ZSCAN32: variants seen among roughly 807,000 people sequenced by gnomAD.
ZSCAN32 encodes the protein zinc finger and SCAN domain-containing protein 32.
A neutral mutation model predicts 47.4 loss-of-function variants in ZSCAN32; 52 were observed. That is an observed-to-expected ratio of 1.10 (90% confidence interval 0.88 to 1.38). The LOEUF (loss-of-function observed/expected upper bound fraction) is 1.38, where lower values mean the gene tolerates loss of function less well. ZSCAN32 is among the 40% of genes most tolerant of loss of function. The probability of loss-of-function intolerance (pLI) is 0.00; values close to 1 mark genes in which losing one functional copy is unlikely to be tolerated. For missense variants in ZSCAN32, 959 were observed against 846.0 expected, an observed-to-expected ratio of 1.13 and a Z score of -1.66; for synonymous variants, 346 against 305.7, an observed-to-expected ratio of 1.13 and a Z score of -1.38.
Position 3,385,959 on chromosome 16 carries a change from C to T in ZSCAN32, c.752-1018G>A, listed in dbSNP as rs574526948. On this transcript the variant is annotated intron_variant, in intron 5 of 6. Coordinates refer to ENST00000396852, the MANE Select transcript of ZSCAN32 (RefSeq NM_001284527.2). ...ATTGACAAATGGGATCTAATTAAACCAAAGAGCTTCTGCACAGCAAAAGAA... is the reference window on the plus strand; with the variant it reads ...ATTGACAAATGGGATCTAATTAAACTAAAGAGCTTCTGCACAGCAAAAGAA... Among the ~76,000 whole-genome samples the T allele has an allele frequency of 5.3e-3, 811 of 152,060 alleles. 11 individuals are homozygous for T. The highest frequency in any genetic ancestry group is 0.018 in the African/African-American group (767 of 41,478).
chr16:3,393,734 G>A lies in ZSCAN32; in HGVS notation c.447C>T (p.Ser149=). ...CTGGCTGAACCTCCTGTTTCCATTG[G>A]GATCTCAGTGATTCTCTGGTTGCTC... The part of the protein sequence containing the change: ...PLGATRESLR[S]QWKQEVQPEE... Residue 149 remains serine, a synonymous_variant, in exon 3 of 7, where the codon TCC becomes TCT. Coordinates refer to ENST00000396852, the MANE Select transcript of ZSCAN32 (RefSeq NM_001284527.2). 6.5e-7 allele frequency: 1 copy of A among 1,550,368 alleles called. No individual in the cohort carries two copies. Among genetic ancestry groups the A allele is most frequent in the Non-Finnish European group, 8.7e-7 (1 of 1,146,910 alleles).
At chr16:3,400,373 A>C (rs1270037572) in intron 1 of ZSCAN32, among the ~76,000 whole-genome samples, 1 of 152,200 alleles carries the variant, frequency 6.6e-6, no homozygotes, top group Non-Finnish European at 1.5e-5. Flanking sequence ...CATTATGTTC[A>C]TCCTGTGCCT....
rs781041516 is a variant in ZSCAN32, at chr16:3,383,262, A to G, written c.1684T>C (p.Ser562Pro). 6.2e-7 allele frequency: 1 copy of G among 1,614,108 alleles called. No individual in the cohort carries two copies. The highest frequency in any genetic ancestry group is 1.1e-5 in the South Asian group (1 of 91,084). The change falls in exon 7 of 7, where the codon TCC becomes CCC. Residue 562 changes from serine (S) to proline (P), a missense_variant. Ser to Pro is a moderately conservative substitution (Grantham distance 74). Coordinates refer to ENST00000396852, the MANE Select transcript of ZSCAN32 (RefSeq NM_001284527.2). ...SECGKGFSER[S>P]NLTAHLRTHT... ...GTTCGTAGGTGGGCAGTGAGGTTGG[A>G]GCGCTCACTAAAGCCCTTCCCGCAC... is the stretch of plus-strand genomic sequence containing the variant.
chr16:3,385,140 T>A (rs1021711245), intron 5 of ZSCAN32, among the ~76,000 whole-genome samples, 199 bp from the exon 6 acceptor site: 2 of 152,110 alleles, frequency 1.3e-5, no homozygotes, highest in African/African-American at 2.4e-5. Flanking sequence ...CTGGCCAACA[T>A]GGTGAAACCC....
At chr16:3,400,721 G>A (rs2033821072) in intron 1 of ZSCAN32, among the ~76,000 whole-genome samples, 1 of 152,224 alleles carries the variant, frequency 6.6e-6, no homozygotes, top group South Asian at 2.1e-4. Flanking sequence ...GGGTCCCGGG[G>A]CGCCGGCGCT....
At chr16:3,389,602 G>T (rs1393834200) in intron 5 of ZSCAN32, among the ~76,000 whole-genome samples, 1 of 152,096 alleles carries the variant, frequency 6.6e-6, no homozygotes, top group Non-Finnish European at 1.5e-5. Context: ...GTCCTGGTTG[G>T]GTGGTTTTAT....
At chr16:3,393,516 C>T (rs900274577) in intron 3 of ZSCAN32, 133 bp downstream of exon 3, 33 of 883,632 alleles carry the variant, frequency 3.7e-5, no homozygotes, top group Middle Eastern at 3.8e-4. Context: ...TGAGCCAACA[C>T]GCCCTGCCGG....
chr16:3,386,583 T>C (rs2150876270), intron 5 of ZSCAN32, among the ~76,000 whole-genome samples: 1 of 152,322 alleles, frequency 6.6e-6, no homozygotes, highest in Non-Finnish European at 1.5e-5. Flanking sequence ...AAATGTGGCA[T>C]GTATACACCA....
intron 1 of ZSCAN32, among the ~76,000 whole-genome samples, chr16:3,399,715 G>A (rs1373844177): frequency 6.6e-6 from 1 of 151,904 alleles, no homozygotes; most frequent in Non-Finnish European, 1.5e-5. Flanking sequence ...CAAAGTGTTA[G>A]GATTACAAGT....
rs370242317 is a variant in ZSCAN32, at chr16:3,393,195, T to A, written c.532+454A>T. Among the ~76,000 whole-genome samples, 162 of 22,880 alleles carry A rather than the reference T, an allele frequency of 7.1e-3. 6 individuals are homozygous for A. Among genetic ancestry groups the A allele is most frequent in the African/African-American group, 0.059 (156 of 2,654 alleles). The allele number at this position is 22,880 out of a possible 152,430, so 15.0% of individuals were successfully genotyped here. A position where few individuals can be genotyped will look rare whatever the true frequency, so the allele number is the denominator to read the frequency against. ...CTATATATATATTTCTATATTTATA[T>A]ATATATTTATATTTATATATATATA... On this transcript the variant is annotated intron_variant, in intron 3 of 6. Coordinates refer to ENST00000396852, the MANE Select transcript of ZSCAN32 (RefSeq NM_001284527.2).
Position 3,395,608 on chromosome 16 carries a change from G to A in ZSCAN32, c.366+1584C>T, listed in dbSNP as rs748759539. 8.0e-4 allele frequency among the ~76,000 whole-genome samples: 121 copies of A among 152,192 alleles called. 1 individual carries two copies. Among genetic ancestry groups the A allele is most frequent in the Non-Finnish European group, 1.0e-4 (7 of 68,050 alleles). ...ACCTCTTCTCTTTATAAATTATCCA[G>A]TCTCGGGTATGTCCTTATAGCAGTG... On this transcript the variant is annotated intron_variant, in intron 2 of 6. Transcript: ENST00000396852.
chr16:3,385,026 T>TAA, intron 5 of ZSCAN32, 85 bp from the exon 6 acceptor site: 1 of 1,486,438 alleles, frequency 6.7e-7, no homozygotes, highest in Non-Finnish European at 9.0e-7. Flanking sequence ...TTTGGCAGCT[T>TAA]AAAAAGTTAC....
Position 3,384,656 on chromosome 16 carries a change from G to A in ZSCAN32, c.1037C>T (p.Pro346Leu), listed in dbSNP as rs143371112. The part of the protein sequence containing the change: ...NALSGSWASA[P>L]PMASDAVPGQ... ...AGGAACAGCATCGCTTGCCATAGGA[G>A]GTGCAGAGGCCCAGGAGCCTGAAAG... Residue 346 changes from proline to leucine, a missense_variant, in exon 6 of 7, where the codon CCT (proline) becomes CTT (leucine). Pro to Leu is a moderately conservative substitution (Grantham distance 98). Coordinates refer to ENST00000396852, the MANE Select transcript of ZSCAN32 (RefSeq NM_001284527.2). 9.4e-4 allele frequency: 1,518 copies of A among 1,614,172 alleles called. 2 individuals are homozygous for A. Among genetic ancestry groups the A allele is most frequent in the Non-Finnish European group, 1.2e-3 (1,426 of 1,180,038 alleles).
intron 5 of ZSCAN32, among the ~76,000 whole-genome samples, chr16:3,385,868 C>CT (rs2031916012): frequency 6.6e-6 from 1 of 152,180 alleles, no homozygotes; most frequent in South Asian, 2.1e-4. Context: ...CATTACCATT[C>CT]AGGACATAGG....
At chr16:3,399,770 T>G (rs2033714605) in intron 1 of ZSCAN32, among the ~76,000 whole-genome samples, 1 of 152,060 alleles carries the variant, frequency 6.6e-6, no homozygotes. Flanking sequence ...AAATAGAAGC[T>G]AACTTTTGTA....
rs749120545 is a variant in ZSCAN32 at position 3,393,790 on chromosome 16, T to G, written c.391A>C (p.Lys131Gln). ...QQVLDSEKDL[K>Q]VLMKEMAPLG... ...GGGGCCATCTCCTTCATGAGTACTT[T>G]CAAGTCCTTCTCAGAATCTAGAACC... The change falls in exon 3 of 7, where the codon AAA becomes CAA. Residue 131 changes from lysine (K) to glutamine (Q), a missense_variant. Coordinates refer to ENST00000396852, the MANE Select transcript of ZSCAN32 (RefSeq NM_001284527.2). 6.5e-6 allele frequency: 10 copies of G among 1,549,686 alleles called. No homozygotes were observed. Among genetic ancestry groups the G allele is most frequent in the Middle Eastern group, 1.7e-4 (1 of 5,982 alleles).
chr16:3,387,207 C>G (rs1018809124), intron 5 of ZSCAN32, among the ~76,000 whole-genome samples: 7 of 152,178 alleles, frequency 4.6e-5, no homozygotes, highest in Non-Finnish European at 1.5e-5. Context: ...CCTGCCTTGA[C>G]AGTTGTGGGA....
chr16:3,384,271 G>T, intron 6 of ZSCAN32, 188 bp downstream of exon 6: 1 of 753,904 alleles, frequency 1.3e-6, no homozygotes, highest in Non-Finnish European at 2.1e-6. Flanking sequence ...GTTGGCAAAT[G>T]CAAAATCAGG....
intron 1 of ZSCAN32, 100 bp downstream of exon 1, chr16:3,400,845 C>G (rs1027500759): frequency 1.3e-5 from 2 of 152,276 alleles, no homozygotes; most frequent in African/African-American, 4.8e-5. Flanking sequence ...CGGGGCCGGA[C>G]CCGAACGCCT....
Sources: allele counts gnomAD v4.1 joint callset (sites outside exome capture counted in the v4.1 genomes callset), GRCh38; gene constraint gnomAD v4.1.1; transcripts MANE v1.5; gene names NCBI Gene and HGNC (gene_info 2026-07-23, HGNC 2026-07-21).